Variants in SOX6 observed in about 807,000 individuals in gnomAD.
SOX6 encodes the protein transcription factor SOX-6.
In SOX6, 11 loss-of-function variants were observed where a neutral mutation model predicts 97.8. The ratio of observed to expected loss-of-function variants is 0.11; its 90% confidence interval spans 0.07 to 0.19. The LOEUF is 0.19. Ranked by LOEUF, SOX6 falls within the 10% of genes least tolerant of loss-of-function variation. The pLI, the probability that SOX6 is intolerant of heterozygous loss-of-function variation, is 1.00. For missense variants in SOX6, 810 were observed against 1,039.5 expected (o/e 0.78, Z 3.04); for synonymous variants, 360 against 371.4 (o/e 0.97, Z 0.35).
intron 4 of SOX6, among the ~76,000 whole-genome samples, chr11:16,578,892 T>C (rs1207209234): frequency 2.0e-5 from 3 of 152,156 alleles, no homozygotes; most frequent in Admixed American, 2.0e-4. Flanking sequence ...GTTTGAAGAC[T>C]AAGAAGACTT....
chr11:16,317,275 C>T (rs1855780284), intron 3 of SOX6: 1 of 150,818 alleles, frequency 6.6e-6, no homozygotes, highest in South Asian at 2.1e-4. Context: ...TAATATAATA[C>T]AATAAGCCAA....
intron 6 of SOX6, among the ~76,000 whole-genome samples, chr11:16,112,288 C>T (rs1185837989): frequency 6.6e-6 from 1 of 152,178 alleles, no homozygotes; most frequent in Non-Finnish European, 1.5e-5. Context: ...TGCCCTTTCA[C>T]CTGCTTTGCA....
chr11:16,199,632 C>T (rs6486279), intron 4 of SOX6, among the ~76,000 whole-genome samples: 87,137 of 151,986 alleles, frequency 0.57, 25,699 homozygotes, highest in East Asian at 0.75. Context: ...TTAAAGTACG[C>T]TGTTGGGAGA....
In SOX6 at chr11:16,321,383, C is replaced by T. The variant is rs148909944; in HGVS notation, c.238-2730G>A. 1.8e-4 allele frequency among the ~76,000 whole-genome samples: 28 copies of T among 152,120 alleles called. No homozygotes were observed. In the East Asian group the frequency reaches 4.1e-3, roughly 22 times the overall value. On this transcript the variant is annotated intron_variant, in intron 2 of 15. Coordinates refer to ENST00000683767, the MANE Select transcript of SOX6 (RefSeq NM_001367873.1). ...TTGACTATAATAAAGGAGATTTTCC[C>T]ATCACTGCCAAACTGAAATTGAAAG...
chr11:16,687,995 C>T (rs1016946131), intron 3 of SOX6, among the ~76,000 whole-genome samples: 9 of 151,826 alleles, frequency 5.9e-5, no homozygotes, highest in Non-Finnish European at 7.4e-5. Flanking sequence ...TTTTTTGACA[C>T]AGGGTCTCAC....
intron 4 of SOX6, among the ~76,000 whole-genome samples, chr11:16,545,873 G>C (rs567601821): frequency 6.6e-6 from 1 of 152,190 alleles, no homozygotes; most frequent in East Asian, 1.9e-4. Context: ...AATCACTTGA[G>C]CCCAGGCAGT....
At chr11:16,192,054 T>C (rs1174768622) in intron 4 of SOX6, among the ~76,000 whole-genome samples, 1 of 152,102 alleles carries the variant, frequency 6.6e-6, no homozygotes. Context: ...TAATAGAGCC[T>C]GTCAGCCCAC....
intron 13 of SOX6, among the ~76,000 whole-genome samples, chr11:16,006,670 A>T (rs1854564694): frequency 6.6e-6 from 1 of 151,976 alleles, no homozygotes; most frequent in Non-Finnish European, 1.5e-5. Flanking sequence ...CCTCCTCTAA[A>T]TAGCAGTTCT....
intron 3 of SOX6, among the ~76,000 whole-genome samples, chr11:16,657,243 A>G (rs554706671): frequency 6.6e-6 from 1 of 152,326 alleles, no homozygotes; most frequent in East Asian, 1.9e-4. Context: ...TCACTCAGTA[A>G]TATGCATTTA....
chr11:16,690,816 T>C (rs1848007640), intron 3 of SOX6, among the ~76,000 whole-genome samples: 1 of 152,216 alleles, frequency 6.6e-6, no homozygotes, highest in South Asian at 2.1e-4. Context: ...TTGTTATATG[T>C]CAAGTACCTG....
chr11:16,693,710 T>C (rs1308248894), intron 3 of SOX6, among the ~76,000 whole-genome samples: 1 of 152,188 alleles, frequency 6.6e-6, no homozygotes, highest in African/African-American at 2.4e-5. Flanking sequence ...GTAAATGTAA[T>C]GGTTCCCAAT....
chr11:16,545,726 C>T (rs982444426), intron 4 of SOX6, among the ~76,000 whole-genome samples: 1 of 152,046 alleles, frequency 6.6e-6, no homozygotes, highest in African/African-American at 2.4e-5. Context: ...CCAAGCCAGG[C>T]AGATCACTTA....
At position 16,398,246 on chromosome 11, in the gene SOX6, A is replaced by C. The variant is rs1858421054; in HGVS notation, c.-4-56994T>G. ...ACTCCAACGCAATCCCTTAGAATTC[A>C]GAATAAAAGTATGTACCTTATTGCG... On this transcript the variant is annotated intron_variant, in intron 1 of 15. Coordinates refer to the SOX6 transcript ENST00000396356. Among the ~76,000 whole-genome samples the C allele has an allele frequency of 3.3e-5, 5 of 151,576 alleles. No individual in the cohort carries two copies. In the South Asian group the frequency reaches 1.0e-3, roughly 31 times the overall value.
At chr11:16,018,465 C>T (rs1854951953) in intron 12 of SOX6, among the ~76,000 whole-genome samples, 1 of 149,610 alleles carries the variant, frequency 6.7e-6, no homozygotes, top group Non-Finnish European at 1.5e-5. Flanking sequence ...AAAAAATCAA[C>T]TTCCTCTTAC....
chr11:16,676,581 T>C (rs1482531517), intron 3 of SOX6, among the ~76,000 whole-genome samples: 2 of 152,238 alleles, frequency 1.3e-5, no homozygotes, highest in Non-Finnish European at 2.9e-5. Flanking sequence ...AGTTGTTTTG[T>C]TTAGTTAGTG....
At chr11:16,224,768 T>C (rs1852635052) in intron 4 of SOX6, among the ~76,000 whole-genome samples, 1 of 152,058 alleles carries the variant, frequency 6.6e-6, no homozygotes, top group Non-Finnish European at 1.5e-5. Flanking sequence ...TTACTCACTA[T>C]TGATAACAAA....
At chr11:16,583,883 T>C (rs1444969966) in intron 4 of SOX6, among the ~76,000 whole-genome samples, 2 of 150,896 alleles carry the variant, frequency 1.3e-5, no homozygotes, top group Non-Finnish European at 2.9e-5. Flanking sequence ...CTACCAATAG[T>C]ATATAAGAGT....
At chr11:16,214,672 T>C (rs1297131826) in intron 4 of SOX6, among the ~76,000 whole-genome samples, 1 of 152,112 alleles carries the variant, frequency 6.6e-6, no homozygotes, top group East Asian at 1.9e-4. Flanking sequence ...ACCTAAAGTA[T>C]CTGTCTAACA....
chr11:16,550,943 C>T (rs941357379), intron 4 of SOX6, among the ~76,000 whole-genome samples: 2 of 152,178 alleles, frequency 1.3e-5, no homozygotes, highest in African/African-American at 4.8e-5. Flanking sequence ...TAAGGCCAGG[C>T]GCAGTGGCTC....
Sources: gnomAD v4.1 joint callset for allele counts (sites outside exome capture counted in the v4.1 genomes callset) on GRCh38, gnomAD v4.1.1 for gene constraint, MANE v1.5 for transcripts, NCBI Gene and HGNC (gene_info 2026-07-23, HGNC 2026-07-21) for gene names.